Variants in LRP1 observed in about 807,000 individuals in gnomAD.
LRP1 encodes the protein LDL receptor related protein 1.
A neutral mutation model predicts 541.5 loss-of-function variants in LRP1; 51 were observed. The ratio of observed to expected loss-of-function variants is 0.09; its 90% CI spans 0.08 to 0.12. LRP1 has a LOEUF of 0.12. Among genes scored for constraint, LRP1 ranks in the 10% least tolerant of loss-of-function variants. The pLI, the probability that LRP1 is intolerant of heterozygous loss-of-function variation, is 1.00. For missense variants in LRP1, 3,878 were observed against 6,376.2 expected, an observed-to-expected ratio of 0.61 and a Z score of 13.34; for synonymous variants, 2,219 against 2,470.8, an observed-to-expected ratio of 0.90 and a Z score of 3.02.
chr12:57,148,405 G>T (rs567350451), intron 6 of LRP1, among the ~76,000 whole-genome samples: 10 of 152,074 alleles, frequency 6.6e-5, no homozygotes, highest in Non-Finnish European at 1.2e-4. Flanking sequence ...GGATCAACAG[G>T]CCTGATAGTC....
At chr12:57,157,738 C>T (rs1171457091) in intron 10 of LRP1, among the ~76,000 whole-genome samples, 1 of 152,238 alleles carries the variant, frequency 6.6e-6, no homozygotes, top group Non-Finnish European at 1.5e-5. Context: ...ATGTAACTCC[C>T]TGAGGGAGGA....
Position 57,185,417 on chromosome 12 carries a change from C to A in LRP1, c.6464-114C>A. ...GGACTCTGGGCCCTGGAGGGTCATT[C>A]AAGCTGGGAATACCGAGGCAGAGGG... On this transcript the variant is annotated intron_variant, in intron 40 of 88. Transcript: ENST00000243077. This position sits in a 1 kb window ranked among gnomAD's most constrained non-coding sequence, Gnocchi z 4.9. 1 of 1,397,998 alleles carries A rather than the reference C, an allele frequency of 7.2e-7. No homozygotes were observed. The highest frequency in any genetic ancestry group is 9.5e-7 in the Non-Finnish European group (1 of 1,049,720). 86.6% of individuals were successfully genotyped at this position (1,397,998 alleles called of 1,614,324 possible).
At chr12:57,136,404 C>CG (rs953524745) in intron 1 of LRP1, among the ~76,000 whole-genome samples, 1 of 148,276 alleles carries the variant, frequency 6.7e-6, no homozygotes, top group Non-Finnish European at 1.5e-5. Context: ...AGCCCCCCCC[C>CG]CCCGCCATTT....
intron 68 of LRP1, 21 bp from the exon 69 acceptor site, chr12:57,203,160 G>A (rs754552358): frequency 3.4e-5 from 52 of 1,531,630 alleles, no homozygotes; most frequent in Non-Finnish European, 4.5e-5. Flanking sequence ...TCCTGGGCCT[G>A]TCTCCCCCTG....
chr12:57,152,677 G>A (rs1297791414), intron 6 of LRP1, among the ~76,000 whole-genome samples: 1 of 152,116 alleles, frequency 6.6e-6, no homozygotes, highest in African/African-American at 2.4e-5. Context: ...CCAGAGGAAA[G>A]AGTGGCTGGG....
chr12:57,186,659 C>T lies in LRP1; in HGVS notation c.6842-608C>T, dbSNP rs577182210. 4.3e-4 allele frequency among the ~76,000 whole-genome samples: 65 copies of T among 152,316 alleles called. 1 individual carries two copies. The highest frequency in any genetic ancestry group is 1.6e-3 in the African/African-American group (65 of 41,564). On this transcript the variant is annotated intron_variant, in intron 41 of 88. Coordinates refer to ENST00000243077, the MANE Select transcript of LRP1 (RefSeq NM_002332.3). ...GAAGCTAAACTCGGTACTCCATGCTCGTAGCTTGATCAGGAGAGACTGGCA... is the reference window on the plus strand; with the variant it reads ...GAAGCTAAACTCGGTACTCCATGCTTGTAGCTTGATCAGGAGAGACTGGCA...
chr12:57,155,977 T>C (rs2035610574), intron 8 of LRP1, 117 bp from the exon 9 acceptor site: 1 of 784,130 alleles, frequency 1.3e-6, no homozygotes, highest in South Asian at 1.7e-5. Context: ...AATTAAAAAC[T>C]ACAGGATGAA....
At position 57,178,845 on chromosome 12, in the gene LRP1, G is replaced by A. The variant is rs1298703595; in HGVS notation, c.4607-45G>A. ...GGGTGGTCCATGTAGGGAGCAGCAAGTCACAGGATGCTCTGGCTTCTTCTC... is the reference window on the plus strand; with the variant it reads ...GGGTGGTCCATGTAGGGAGCAGCAAATCACAGGATGCTCTGGCTTCTTCTC... On this transcript the variant is annotated intron_variant, in intron 27 of 88. Coordinates refer to ENST00000243077, the MANE Select transcript of LRP1 (RefSeq NM_002332.3). The surrounding 1 kb of genome is among the most constrained non-coding windows in gnomAD (Gnocchi z 5.8). 1 of 1,585,072 alleles carries A rather than the reference G, an allele frequency of 6.3e-7. No individual in the cohort carries two copies. The highest frequency in any genetic ancestry group is 1.8e-5 in the Admixed American group (1 of 56,114).
chr12:57,143,930 C>G, intron 4 of LRP1, 132 bp downstream of exon 4: 6 of 1,164,564 alleles, frequency 5.2e-6, no homozygotes, highest in Non-Finnish European at 7.0e-6. Flanking sequence ...AGAGGGGGTG[C>G]CACCACCCCA....
intron 34 of LRP1, among the ~76,000 whole-genome samples, chr12:57,181,728 C>T (rs542082018): frequency 3.9e-5 from 6 of 152,074 alleles, no homozygotes; most frequent in South Asian, 2.1e-4. Flanking sequence ...TCAACCTGGC[C>T]GCAATGGTGG....
Position 57,197,775 on chromosome 12 carries a change from A to T in LRP1, c.9282+111A>T. ...CAAATTGCTTCCTTCTCACTCCACT[A>T]GTCACTATATGACTGCTTGTTCTAG... On this transcript the variant is annotated intron_variant, in intron 58 of 88. Coordinates refer to ENST00000243077, the MANE Select transcript of LRP1 (RefSeq NM_002332.3). This position sits in a 1 kb window ranked among gnomAD's most constrained non-coding sequence, Gnocchi z 4.5. The T allele has an allele frequency of 7.9e-7, 1 of 1,267,686 alleles. No individual in the cohort carries two copies. The highest frequency in any genetic ancestry group is 1.1e-6 in the Non-Finnish European group (1 of 909,704). 78.5% of individuals were successfully genotyped at this position (1,267,686 alleles called of 1,614,324 possible).
chr12:57,183,750 C>T lies in LRP1; in HGVS notation c.5795-25C>T, dbSNP rs560383704. 6.2e-7 allele frequency: 1 copy of T among 1,613,186 alleles called. No individual in the cohort carries two copies. Among genetic ancestry groups the T allele is most frequent in the South Asian group, 1.1e-5 (1 of 91,084 alleles). ...CCTTACCCCTGCCTTATTGGGCATC[C>T]CCATGTCACCTCCTCCACCTCCAGA... On this transcript the variant is annotated intron_variant, in intron 35 of 88. Transcript: ENST00000243077. The surrounding 1 kb of genome is among the most constrained non-coding windows in gnomAD (Gnocchi z 6.1).
At chr12:57,175,259 C>T (rs2036019494) in intron 22 of LRP1, among the ~76,000 whole-genome samples, 1 of 152,152 alleles carries the variant, frequency 6.6e-6, no homozygotes, top group South Asian at 2.1e-4. Context: ...GCAAGGGTCC[C>T]AACTCTGGTC....
In LRP1 at chr12:57,169,324, C is replaced by T. The variant is rs376291564; in HGVS notation, c.3163+17C>T. ...CCAACCAGGGTGGGCACCAGGGGCCCGTGGGGTGGGGATGAGATCGAGCCC... is the reference window on the plus strand; with the variant it reads ...CCAACCAGGGTGGGCACCAGGGGCCTGTGGGGTGGGGATGAGATCGAGCCC... On this transcript the variant is annotated intron_variant, in intron 20 of 88. Transcript: ENST00000243077. The T allele has an allele frequency of 1.3e-5, 20 of 1,592,122 alleles. No individual in the cohort carries two copies. Among genetic ancestry groups the T allele is most frequent in the Admixed American group, 1.7e-5 (1 of 59,436 alleles).
Position 57,156,805 on chromosome 12 carries a change from G to T in LRP1, c.1446G>T (p.Gln482His). 6.2e-7 allele frequency: 1 copy of T among 1,610,096 alleles called. No homozygotes were observed. The highest frequency in any genetic ancestry group is 8.5e-7 in the Non-Finnish European group (1 of 1,178,298). ...RVRSHACEND[Q>H]YGKPGGCSDI... ...GGAGCCATGCCTGTGAAAACGACCA[G>T]TATGGGAAGCCGGGTGGCTGCTCTG... Residue 482 changes from glutamine to histidine, a missense_variant, in exon 10 of 89, where the codon CAG becomes CAT. Coordinates refer to ENST00000243077, the MANE Select transcript of LRP1 (RefSeq NM_002332.3). This position sits in a 1 kb window ranked among gnomAD's most constrained non-coding sequence, Gnocchi z 5.2.
At chr12:57,136,397 C>CCG (rs1565711540) in intron 1 of LRP1, among the ~76,000 whole-genome samples, 1 of 99,148 alleles carries the variant, frequency 1.0e-5, no homozygotes, top group East Asian at 2.5e-4. Context: ...TCCTAAGAGC[C>CCG]CCCCCCCCCC....
chr12:57,197,774 T>C lies in LRP1; in HGVS notation c.9282+110T>C. The C allele has an allele frequency of 3.2e-6, 4 of 1,260,362 alleles. No homozygotes were observed. Among genetic ancestry groups the C allele is most frequent in the Non-Finnish European group, 3.3e-6 (3 of 903,280 alleles). 78.1% of individuals were successfully genotyped at this position (1,260,362 alleles called of 1,614,324 possible). A position where few individuals can be genotyped will look rare whatever the true frequency, so the allele number is the denominator to read the frequency against. ...CCAAATTGCTTCCTTCTCACTCCAC[T>C]AGTCACTATATGACTGCTTGTTCTA... On this transcript the variant is annotated intron_variant, in intron 58 of 88. Transcript: ENST00000243077. The surrounding 1 kb of genome is among the most constrained non-coding windows in gnomAD (Gnocchi z 4.5).
intron 10 of LRP1, among the ~76,000 whole-genome samples, chr12:57,157,793 A>G (rs968484611): frequency 6.6e-6 from 1 of 152,242 alleles, no homozygotes; most frequent in South Asian, 2.1e-4. Context: ...CCCTGAGGCC[A>G]GTGTGAGTGT....
chr12:57,152,706 CT>C (rs57160416), intron 6 of LRP1, among the ~76,000 whole-genome samples: 4,567 of 152,148 alleles, frequency 0.03, 245 homozygotes, highest in African/African-American at 0.1. Context: ...TGCATGAATA[CT>C]TACGGGGGTA....
Sources: gnomAD v4.1 joint callset for allele counts (sites outside exome capture counted in the v4.1 genomes callset) on GRCh38, gnomAD v4.1.1 for gene constraint, Gnocchi (gnomAD v3.1) non-coding constraint, MANE v1.5 for transcripts, NCBI Gene and HGNC (gene_info 2026-07-23, HGNC 2026-07-21) for gene names.